AAK1: variants seen among roughly 807,000 people sequenced by gnomAD.
The protein encoded by AAK1 is AP2 associated kinase 1, also known as AP2-associated protein kinase 1.
AAK1 carries 37 observed loss-of-function variants against 116.0 expected under a neutral mutation model. The observed-to-expected ratio is 0.32, with a 90% CI of 0.25 to 0.42. The LOEUF (loss-of-function observed/expected upper bound fraction) is 0.42, where lower values mean the gene tolerates loss of function less well. AAK1 is among the 10% of genes least tolerant of loss of function. The pLI is 1.00. For missense variants in AAK1, 919 were observed against 1,170.6 expected (o/e 0.79, Z 3.14); for synonymous variants, 458 against 439.9 (o/e 1.04, Z -0.51).
chr2:69,561,173 G>A (rs369501512), intron 2 of AAK1, among the ~76,000 whole-genome samples: 3 of 152,132 alleles, frequency 2.0e-5, no homozygotes, highest in Admixed American at 6.6e-5. Context: ...GATAATCTCC[G>A]AGCCTCCAGT....
intron 13 of AAK1, among the ~76,000 whole-genome samples, chr2:69,511,412 A>T (rs2104973955): frequency 6.6e-6 from 1 of 152,300 alleles, no homozygotes; most frequent in Middle Eastern, 3.4e-3. Context: ...TATCAATCAG[A>T]GGTTAGAAGG....
intron 5 of AAK1, among the ~76,000 whole-genome samples, chr2:69,533,630 C>T (rs1670347061): frequency 6.6e-6 from 1 of 152,216 alleles, no homozygotes; most frequent in Non-Finnish European, 1.5e-5. Flanking sequence ...TTTTTGTTAA[C>T]TTACATTCCT....
At chr2:69,627,875 G>A (rs1477159903) in intron 2 of AAK1, among the ~76,000 whole-genome samples, 1 of 152,162 alleles carries the variant, frequency 6.6e-6, no homozygotes, top group Non-Finnish European at 1.5e-5. Context: ...TCATTAAAAA[G>A]TCCCTAACTG....
At chr2:69,610,050 C>CAAA (rs760754177) in intron 2 of AAK1, among the ~76,000 whole-genome samples, 12 of 53,480 alleles carry the variant, frequency 2.2e-4, no homozygotes, top group African/African-American at 4.7e-4. Context: ...GACTCTGTCT[C>CAAA]AAAAAAAAAA....
At chr2:69,509,959 T>A (rs775850612) in intron 13 of AAK1, among the ~76,000 whole-genome samples, 5 of 152,200 alleles carry the variant, frequency 3.3e-5, no homozygotes, top group Non-Finnish European at 5.9e-5. Flanking sequence ...GATCCCTCAC[T>A]CTCTGCCATA....
At chr2:69,528,436 G>A (rs1401938227) in intron 8 of AAK1, among the ~76,000 whole-genome samples, 2 of 152,188 alleles carry the variant, frequency 1.3e-5, no homozygotes, top group East Asian at 1.9e-4. Context: ...GGCATGAGCT[G>A]ACAGAGTCTG....
rs148064399 is a variant in AAK1, at chr2:69,488,765, G to A, written c.2366-5953C>T. ...CTGTTAGAATAAAGTGAAAGGTGGG[G>A]AAGAGGCAGGATGGTCTAACAGAGA... On this transcript the variant is annotated intron_variant, in intron 17 of 21. Coordinates refer to ENST00000409085, the MANE Select transcript of AAK1 (RefSeq NM_014911.5). Among the ~76,000 whole-genome samples, 6 of 152,260 alleles carry A rather than the reference G, an allele frequency of 3.9e-5. No homozygotes were observed. The East Asian group carries it at 1.2e-3, about 29-fold the overall frequency.
intron 2 of AAK1, among the ~76,000 whole-genome samples, chr2:69,632,835 C>T (rs543415883): frequency 6.6e-6 from 1 of 152,004 alleles, no homozygotes; most frequent in Non-Finnish European, 1.5e-5. Flanking sequence ...AGATCGAGAC[C>T]GTCCTGGCTA....
chr2:69,564,250 C>A lies in AAK1; in HGVS notation c.164-7272G>T, dbSNP rs1003572953. 9.9e-5 allele frequency among the ~76,000 whole-genome samples: 15 copies of A among 151,816 alleles called. 1 individual carries two copies. The highest frequency in any genetic ancestry group is 8.5e-4 in the Admixed American group (13 of 15,244). On this transcript the variant is annotated intron_variant, in intron 2 of 21. Coordinates refer to ENST00000409085, the MANE Select transcript of AAK1 (RefSeq NM_014911.5). ...AGAAATTAAGACTAAATGAGTGCTA[C>A]TATTTAAACTGGGTTCCTCCAAGCC...
chr2:69,626,509 T>A (rs1344441201), intron 2 of AAK1, among the ~76,000 whole-genome samples: 1 of 130,276 alleles, frequency 7.7e-6, no homozygotes, highest in Non-Finnish European at 1.5e-5. Flanking sequence ...ATTATTATTA[T>A]TTTTTTTTGA....
chr2:69,611,937 C>G (rs1304912337), intron 2 of AAK1, among the ~76,000 whole-genome samples: 1 of 152,150 alleles, frequency 6.6e-6, no homozygotes, highest in African/African-American at 2.4e-5. Context: ...GATGAGGTAT[C>G]TAGAGTAGGC....
At chr2:69,561,001 C>A (rs1348775514) in intron 2 of AAK1, among the ~76,000 whole-genome samples, 1 of 152,018 alleles carries the variant, frequency 6.6e-6, no homozygotes, top group Non-Finnish European at 1.5e-5. Context: ...GGAATATGGA[C>A]CTGGTTTTGT....
chr2:69,516,482 T>C (rs1676586974), intron 12 of AAK1, among the ~76,000 whole-genome samples: 1 of 152,146 alleles, frequency 6.6e-6, no homozygotes, highest in Admixed American at 6.5e-5. Context: ...AAGCAATCCA[T>C]TAGGCAAATG....
At position 69,473,886 on chromosome 2, in the gene AAK1, C is replaced by A. The variant is rs1316115235; in HGVS notation, c.*1983G>T. On this transcript the variant is annotated 3_prime_UTR_variant, in exon 22 of 22. Transcript: ENST00000409085. The stretch of plus-strand genomic sequence containing the variant: ...ATTTTCCTGTCCATAAAGGGGTAAA[C>A]CAAGTCCTATTTTCACTGCTATCCA... 1.0e-6 allele frequency: 1 copy of A among 985,758 alleles called. No homozygotes were observed. Among genetic ancestry groups the A allele is most frequent in the Non-Finnish European group, 1.2e-6 (1 of 829,904 alleles). 61.1% of individuals were successfully genotyped at this position (985,758 alleles called of 1,614,324 possible).
intron 12 of AAK1, chr2:69,516,810 T>C (rs1245817126): frequency 6.6e-6 from 1 of 152,210 alleles, no homozygotes. Context: ...GGCGGGAGGA[T>C]CGCTTGAGCC....
chr2:69,541,961 C>T lies in AAK1; in HGVS notation c.534+562G>A, dbSNP rs1002392240. ...TAGTTTCCTCAACTATAAAACGTAA[C>T]AAAGAATGTCTCCCCCTGAAGAGAC... On this transcript the variant is annotated intron_variant, in intron 5 of 21. Coordinates refer to ENST00000409085, the MANE Select transcript of AAK1 (RefSeq NM_014911.5). 7.2e-5 allele frequency among the ~76,000 whole-genome samples: 11 copies of T among 152,164 alleles called. 1 individual carries two copies. The highest frequency in any genetic ancestry group is 2.7e-4 in the African/African-American group (11 of 41,434).
chr2:69,632,868 C>G (rs1166803700), intron 2 of AAK1, among the ~76,000 whole-genome samples: 1 of 151,916 alleles, frequency 6.6e-6, no homozygotes, highest in African/African-American at 2.4e-5. Context: ...CCCGTCTCTA[C>G]TAAAAATGCA....
rs1486093795 is a variant in AAK1 at position 69,459,954 on chromosome 2, A to G, written c.*15915T>C. Reference sequence around the variant, plus strand: ...AGAAAAAACTAAGAATTTAAATTAGATAATTCCATTTAAAGTTTCCAATTC... The same window carrying G: ...AGAAAAAACTAAGAATTTAAATTAGGTAATTCCATTTAAAGTTTCCAATTC... On this transcript the variant is annotated 3_prime_UTR_variant, in exon 22 of 22. Transcript: ENST00000409085. 2 of 152,210 alleles carry G rather than the reference A, an allele frequency of 1.3e-5. No homozygotes were observed. Among genetic ancestry groups the G allele is most frequent in the African/African-American group, 4.8e-5 (2 of 41,450 alleles). The allele number at this position is 152,210 out of a possible 1,614,324, so 9.4% of individuals were successfully genotyped here.
chr2:69,592,768 T>C lies in AAK1; in HGVS notation c.164-35790A>G, dbSNP rs116475098. ...GATTCACAGATTTGGCTTATGATAA[T>C]TGGACTCATTTAACATCTCTTCTTC... On this transcript the variant is annotated intron_variant, in intron 2 of 21. Coordinates refer to ENST00000409085, the MANE Select transcript of AAK1 (RefSeq NM_014911.5). 7.9e-4 allele frequency among the ~76,000 whole-genome samples: 121 copies of C among 152,338 alleles called. 1 individual carries two copies. Among genetic ancestry groups the C allele is most frequent in the African/African-American group, 2.6e-3 (109 of 41,576 alleles).
Sources: allele counts gnomAD v4.1 joint callset (sites outside exome capture counted in the v4.1 genomes callset), GRCh38; gene constraint gnomAD v4.1.1; transcripts MANE v1.5; gene names NCBI Gene and HGNC (gene_info 2026-07-23, HGNC 2026-07-21).